Variants in FAM3D observed in about 807,000 individuals in gnomAD.
FAM3D encodes the protein FAM3 metabolism regulating signaling molecule D.
FAM3D carries 26 observed loss-of-function variants against 29.8 expected under a neutral mutation model. That is an observed-to-expected ratio of 0.87 (90% CI 0.64 to 1.21). FAM3D has a LOEUF of 1.21. Among genes scored for constraint, FAM3D ranks in the 50% most tolerant of loss-of-function variants. The pLI is 0.00. For missense variants in FAM3D, 253 were observed against 290.9 expected, an observed-to-expected ratio of 0.87 and a Z score of 0.95; for synonymous variants, 115 against 102.3, an observed-to-expected ratio of 1.12 and a Z score of -0.75.
At chr3:58,645,264 A>G (rs4996414) in intron 5 of FAM3D, among the ~76,000 whole-genome samples, 86,924 of 151,902 alleles carry the variant, frequency 0.57, 26,888 homozygotes, top group South Asian at 0.68. Flanking sequence ...TCTCCTGGGG[A>G]TAATATCCCC....
intron 3 of FAM3D, among the ~76,000 whole-genome samples, chr3:58,650,778 C>A (rs2066613192): frequency 6.6e-6 from 1 of 152,140 alleles, no homozygotes; most frequent in Non-Finnish European, 1.5e-5. Flanking sequence ...AGTGCAGTGG[C>A]GCGATCTCGG....
chr3:58,638,152 G>A (rs916026237), intron 7 of FAM3D, among the ~76,000 whole-genome samples: 5 of 152,202 alleles, frequency 3.3e-5, no homozygotes, highest in African/African-American at 9.6e-5. Context: ...CCAAAGTGCT[G>A]GGATTACAGG....
intron 1 of FAM3D, among the ~76,000 whole-genome samples, chr3:58,656,957 G>A (rs1319327697): frequency 6.6e-6 from 1 of 152,146 alleles, no homozygotes; most frequent in Non-Finnish European, 1.5e-5. Flanking sequence ...ACCTCCTCTT[G>A]TGAATTGTAA....
chr3:58,646,557 C>T (rs17059575), intron 4 of FAM3D, among the ~76,000 whole-genome samples: 1,865 of 152,294 alleles, frequency 0.012, 51 homozygotes, highest in African/African-American at 0.043. Flanking sequence ...TTTTAGCACC[C>T]GCTGACAGTT....
chr3:58,654,770 G>A (rs114663655), intron 2 of FAM3D, among the ~76,000 whole-genome samples: 4,356 of 152,198 alleles, frequency 0.029, 86 homozygotes, highest in Non-Finnish European at 0.043. Flanking sequence ...GAGAAGGCCC[G>A]CCGGGTCCTG....
At chr3:58,651,418 T>C (rs1466509214) in intron 3 of FAM3D, among the ~76,000 whole-genome samples, 1 of 152,220 alleles carries the variant, frequency 6.6e-6, no homozygotes, top group African/African-American at 2.4e-5. Context: ...TTCCCACTGG[T>C]TACATTTCCT....
In FAM3D at chr3:58,640,188, AGAG is replaced by A. The variant is rs773781088; in HGVS notation, c.323-14_323-12del. On this transcript the variant is annotated splice_polypyrimidine_tract_variant and intron_variant, in intron 6 of 9. Coordinates refer to ENST00000358781, the MANE Select transcript of FAM3D (RefSeq NM_138805.3). ...CAGCTCCCGTGGTTCCTAGGGGTTA[AGAG>A]GAGAACGATTATCCCCTGTAACACG... 6 of 1,614,134 alleles carry A rather than the reference AGAG, an allele frequency of 3.7e-6. No homozygotes were observed. The highest frequency in any genetic ancestry group is 2.2e-5 in the East Asian group (1 of 44,882).
chr3:58,663,374 G>A (rs1447183194), intron 1 of FAM3D, among the ~76,000 whole-genome samples: 2 of 152,206 alleles, frequency 1.3e-5, no homozygotes, highest in Admixed American at 1.3e-4. Context: ...TGGACACAGA[G>A]TGCCGGGGGT....
chr3:58,651,496 T>C (rs1475922849), intron 3 of FAM3D, among the ~76,000 whole-genome samples: 1 of 152,218 alleles, frequency 6.6e-6, no homozygotes, highest in Non-Finnish European at 1.5e-5. Flanking sequence ...CATGCTGTAA[T>C]GAAGTCTGTT....
At chr3:58,656,537 GCAGTTAC>G (rs2066806559) in intron 1 of FAM3D, among the ~76,000 whole-genome samples, 2 of 152,256 alleles carry the variant, frequency 1.3e-5, no homozygotes, top group East Asian at 3.9e-4. Context: ...CAGGTGCTGG[GCAGTTAC>G]CAGTGATTTG....
chr3:58,637,541 C>T (rs534303318), intron 7 of FAM3D, among the ~76,000 whole-genome samples: 1 of 152,252 alleles, frequency 6.6e-6, no homozygotes, highest in South Asian at 2.1e-4. Context: ...CCCTTGTGTG[C>T]CTACCCCTCT....
At chr3:58,664,681 T>C (rs997061767) in intron 1 of FAM3D, among the ~76,000 whole-genome samples, 2 of 152,230 alleles carry the variant, frequency 1.3e-5, no homozygotes, top group Non-Finnish European at 2.9e-5. Flanking sequence ...AGGGCAGAAC[T>C]GGGATTCAAA....
rs754877860 is a variant in FAM3D, at chr3:58,655,555, C to T, written c.9G>A (p.Val3=). Residue 3 remains valine, a synonymous_variant, in exon 2 of 10, where the codon GTG becomes GTA. Coordinates refer to ENST00000358781, the MANE Select transcript of FAM3D (RefSeq NM_138805.3). ...AAAACCAATTTCAGAGCCTACCTGA[C>T]ACTCTCATCCTGTCCAGGTGAAGGG... MR[V]SGVLRLLALI... is the part of the protein sequence containing the mutation. The T allele has an allele frequency of 9.9e-6, 16 of 1,613,596 alleles. No homozygotes were observed. The highest frequency in any genetic ancestry group is 1.4e-5 in the Non-Finnish European group (16 of 1,179,702).
Position 58,634,118 on chromosome 3 carries a change from T to C in FAM3D, c.*161A>G, listed in dbSNP as rs1575464453. ...CCGGGTAGGATGTGCTGTGGGAGGGTTCTGTTTCCGAGGAGGAGAGGCGCG... is the reference window on the plus strand; with the variant it reads ...CCGGGTAGGATGTGCTGTGGGAGGGCTCTGTTTCCGAGGAGGAGAGGCGCG... On this transcript the variant is annotated 3_prime_UTR_variant, in exon 10 of 10. Coordinates refer to ENST00000358781, the MANE Select transcript of FAM3D (RefSeq NM_138805.3). This position sits in a 1 kb window ranked among gnomAD's most constrained non-coding sequence, Gnocchi z 4.6. 3.3e-6 allele frequency: 2 copies of C among 602,220 alleles called. No individual in the cohort carries two copies. Among genetic ancestry groups the C allele is most frequent in the South Asian group, 4.0e-5 (2 of 49,624 alleles). 37.3% of individuals were successfully genotyped at this position (602,220 alleles called of 1,614,324 possible). A position where few individuals can be genotyped will look rare whatever the true frequency, so the allele number is the denominator to read the frequency against.
At position 58,637,182 on chromosome 3, in the gene FAM3D, A is replaced by AC. The variant is rs762012279; in HGVS notation, c.416dup (p.Ala140CysfsTer18). 1 of 1,613,880 alleles carries AC rather than the reference A, an allele frequency of 6.2e-7. No homozygotes were observed. Among genetic ancestry groups the AC allele is most frequent in the Admixed American group, 1.7e-5 (1 of 59,988 alleles). ...CGTAGGAGGCCACCAGCACCAGTGC[A>AC]CCCCCCGGAATTTCTTTAAGGAATT... is the stretch of plus-strand genomic sequence containing the variant. On this transcript the variant is annotated frameshift_variant, in exon 8 of 10. Transcript: ENST00000358781. LOFTEE classifies it high-confidence loss of function.
At position 58,634,802 on chromosome 3, in the gene FAM3D, G is replaced by C. The variant is rs960913055; in HGVS notation, c.586-434C>G. ...CTGTTTACATCCCATTCTACAGATG[G>C]GGAAGCTGAGGCACAGAGGGTCACT... On this transcript the variant is annotated intron_variant, in intron 9 of 9. Coordinates refer to ENST00000358781, the MANE Select transcript of FAM3D (RefSeq NM_138805.3). The surrounding 1 kb of genome is among the most constrained non-coding windows in gnomAD (Gnocchi z 4.6). 1.2e-4 allele frequency among the ~76,000 whole-genome samples: 18 copies of C among 152,150 alleles called. No homozygotes were observed. Among genetic ancestry groups the C allele is most frequent in the Non-Finnish European group, 2.2e-4 (15 of 68,022 alleles).
chr3:58,656,230 C>T (rs2066794782), intron 1 of FAM3D, among the ~76,000 whole-genome samples: 1 of 152,160 alleles, frequency 6.6e-6, no homozygotes, highest in Non-Finnish European at 1.5e-5. Context: ...GACTTTGTGC[C>T]AGGTGCCATC....
intron 3 of FAM3D, among the ~76,000 whole-genome samples, chr3:58,652,977 C>CATCCATCT (rs57991098): frequency 6.8e-6 from 1 of 146,856 alleles, no homozygotes. Flanking sequence ...TCCATCCATC[C>CATCCATCT]GTTTTTTTTT....
At chr3:58,636,787 T>G (rs1037779086) in intron 8 of FAM3D, among the ~76,000 whole-genome samples, 5 of 152,192 alleles carry the variant, frequency 3.3e-5, no homozygotes, top group African/African-American at 1.2e-4. Context: ...TTCCCCTCAC[T>G]TAGCACTAGA....
Sources: gnomAD v4.1 joint callset for allele counts (sites outside exome capture counted in the v4.1 genomes callset) on GRCh38, gnomAD v4.1.1 for gene constraint, Gnocchi (gnomAD v3.1) non-coding constraint, MANE v1.5 for transcripts, NCBI Gene and HGNC (gene_info 2026-07-23, HGNC 2026-07-21) for gene names.